Variants in RIMS2 observed in about 807,000 individuals in gnomAD.
The protein encoded by RIMS2 is regulating synaptic membrane exocytosis 2.
A neutral mutation model predicts 174.4 loss-of-function variants in RIMS2; 59 were observed. That is an observed-to-expected ratio of 0.34 (90% CI 0.27 to 0.42). The LOEUF is 0.42. Ranked by LOEUF, RIMS2 falls within the 10% of genes least tolerant of loss-of-function variation. The probability of loss-of-function intolerance (pLI) is 1.00; values close to 1 mark genes in which losing one functional copy is unlikely to be tolerated. For missense variants in RIMS2, 1,620 were observed against 1,666.3 expected (o/e 0.97, Z 0.48); for synonymous variants, 606 against 572.5 (o/e 1.06, Z -0.84).
At chr8:103,674,567 T>TCA (rs1334596606) in intron 1 of RIMS2, among the ~76,000 whole-genome samples, 1 of 152,124 alleles carries the variant, frequency 6.6e-6, no homozygotes, top group African/African-American at 2.4e-5. Flanking sequence ...ATTGATTTTC[T>TCA]CAACAAATGC....
At chr8:103,698,919 A>C (rs1935159459) in intron 2 of RIMS2, among the ~76,000 whole-genome samples, 1 of 152,142 alleles carries the variant, frequency 6.6e-6, no homozygotes, top group South Asian at 2.1e-4. Context: ...CCTCCTCTTC[A>C]ACATTTTGGA....
At chr8:104,102,842 T>C (rs1486155032) in intron 19 of RIMS2, among the ~76,000 whole-genome samples, 2 of 152,028 alleles carry the variant, frequency 1.3e-5, no homozygotes, top group Non-Finnish European at 2.9e-5. Flanking sequence ...CAATGACACA[T>C]GGGGATTATG....
intron 19 of RIMS2, among the ~76,000 whole-genome samples, chr8:104,148,185 T>C (rs1566687924): frequency 6.6e-6 from 1 of 151,580 alleles, no homozygotes; most frequent in African/African-American, 2.4e-5. Flanking sequence ...TTTTTTTTTT[T>C]TTTGGTAAAA....
At chr8:103,537,168 A>T (rs1840211461) in intron 1 of RIMS2, among the ~76,000 whole-genome samples, 1 of 152,226 alleles carries the variant, frequency 6.6e-6, no homozygotes, top group Non-Finnish European at 1.5e-5. Context: ...TAAATAAGAA[A>T]ATACATTAAA....
intron 2 of RIMS2, among the ~76,000 whole-genome samples, chr8:103,763,467 A>G (rs2098134381): frequency 6.6e-6 from 1 of 151,352 alleles, no homozygotes; most frequent in African/African-American, 2.4e-5. Flanking sequence ...GGAAGAAAGG[A>G]AGGGAGGGAG....
rs939082076 is a variant in RIMS2 at position 103,526,475 on chromosome 8, T to A, written c.176+25413T>A. ...TGATGCCATGTAACTGAAACTAAGA[T>A]AAACAATAGACCATAGTAATAGACC... is the stretch of plus-strand genomic sequence containing the variant. On this transcript the variant is annotated intron_variant, in intron 1 of 23. Transcript: ENST00000504942. 4.6e-5 allele frequency among the ~76,000 whole-genome samples: 7 copies of A among 152,258 alleles called. 2 individuals are homozygous for A. In the South Asian group the frequency reaches 1.5e-3, roughly 32 times the overall value.
chr8:104,114,356 T>C (rs974747154), intron 19 of RIMS2, among the ~76,000 whole-genome samples: 1 of 151,986 alleles, frequency 6.6e-6, no homozygotes, highest in South Asian at 2.1e-4. Flanking sequence ...TGGTATTAAA[T>C]CAGTACATAA....
At chr8:104,061,070 T>C (rs2096977620) in intron 19 of RIMS2, among the ~76,000 whole-genome samples, 1 of 152,222 alleles carries the variant, frequency 6.6e-6, no homozygotes, top group African/African-American at 2.4e-5. Context: ...GAGAGTTCTG[T>C]AGATGTCTAT....
chr8:103,942,875 T>C (rs2082855437), exon 14 of RIMS2: 1 of 1,613,652 alleles, frequency 6.2e-7, no homozygotes, highest in Non-Finnish European at 8.5e-7. Flanking sequence ...CCCTTCTCCA[T>C]ATATGCCACG....
intron 16 of RIMS2, among the ~76,000 whole-genome samples, chr8:103,982,192 C>T: frequency 6.6e-6 from 1 of 151,758 alleles, no homozygotes; most frequent in Non-Finnish European, 1.5e-5. Flanking sequence ...CTAGATTGGG[C>T]CACAAAGAAA....
intron 19 of RIMS2, among the ~76,000 whole-genome samples, chr8:104,147,097 A>G (rs757756681): frequency 2.7e-5 from 4 of 150,442 alleles, no homozygotes; most frequent in Non-Finnish European, 5.9e-5. Flanking sequence ...TTAAACGATA[A>G]CAAGCCTTTT....
intron 4 of RIMS2, among the ~76,000 whole-genome samples, chr8:103,892,807 G>T (rs1260391512): frequency 1.3e-5 from 2 of 151,994 alleles, no homozygotes; most frequent in Non-Finnish European, 2.9e-5. Context: ...ACTGCACCTG[G>T]CCCAAATTTT....
chr8:103,961,242 C>T, intron 15 of RIMS2, 109 bp downstream of exon 17: 1 of 653,216 alleles, frequency 1.5e-6, no homozygotes. Context: ...TCTTCTCACC[C>T]TCCAAAACAG....
intron 19 of RIMS2, among the ~76,000 whole-genome samples, chr8:104,154,169 G>A (rs918428046): frequency 6.6e-6 from 1 of 152,136 alleles, no homozygotes; most frequent in African/African-American, 2.4e-5. Flanking sequence ...ATAGATGGGG[G>A]GAAAAAGTAG....
At chr8:103,904,899 T>C (rs1162987517) in intron 4 of RIMS2, among the ~76,000 whole-genome samples, 1 of 152,062 alleles carries the variant, frequency 6.6e-6, no homozygotes, top group Non-Finnish European at 1.5e-5. Flanking sequence ...AATGTTTAAG[T>C]GTATTTCTTT....
At chr8:103,967,519 G>A (rs1035058360) in intron 15 of RIMS2, among the ~76,000 whole-genome samples, 2 of 149,744 alleles carry the variant, frequency 1.3e-5, no homozygotes, top group Non-Finnish European at 3.0e-5. Context: ...TTGAGACAGG[G>A]TCTGGCTCTG....
At chr8:103,826,197 T>C (rs1304058868) in intron 3 of RIMS2, among the ~76,000 whole-genome samples, 1 of 152,150 alleles carries the variant, frequency 6.6e-6, no homozygotes, top group Non-Finnish European at 1.5e-5. Flanking sequence ...TTCTTAACAA[T>C]GCCTTTTGAT....
At chr8:103,796,479 T>C (rs941017212) in intron 3 of RIMS2, among the ~76,000 whole-genome samples, 4 of 152,196 alleles carry the variant, frequency 2.6e-5, no homozygotes, top group Non-Finnish European at 5.9e-5. Flanking sequence ...CAAAAGCCTG[T>C]TATGCCCTCT....
intron 1 of RIMS2, among the ~76,000 whole-genome samples, chr8:103,517,250 A>C (rs567690032): frequency 6.6e-6 from 1 of 152,358 alleles, no homozygotes; most frequent in South Asian, 2.1e-4. Context: ...GATCACATTC[A>C]AACTGGCCTT....
Sources: gnomAD v4.1 joint callset for allele counts (sites outside exome capture counted in the v4.1 genomes callset) on GRCh38, gnomAD v4.1.1 for gene constraint, MANE v1.5 for transcripts, NCBI Gene and HGNC (gene_info 2026-07-23, HGNC 2026-07-21) for gene names.